ANAPC5: variants seen among roughly 807,000 people sequenced by gnomAD.
ANAPC5 encodes the protein anaphase promoting complex subunit 5, also known as anaphase-promoting complex subunit 5.
In ANAPC5, 60 loss-of-function variants were observed where a neutral mutation model predicts 91.3. That is an observed-to-expected ratio of 0.66 (90% confidence interval 0.53 to 0.81). The LOEUF (loss-of-function observed/expected upper bound fraction) is 0.81, where lower values mean the gene tolerates loss of function less well. ANAPC5 is among the 40% of genes least tolerant of loss of function. The pLI, the probability that ANAPC5 is intolerant of heterozygous loss-of-function variation, is 0.00. For synonymous variants in ANAPC5, 340 were observed against 364.1 expected, an observed-to-expected ratio of 0.93 and a Z score of 0.75; for missense variants, 690 against 931.5, an observed-to-expected ratio of 0.74 and a Z score of 3.37.
chr12:121,352,431 C>T, upstream of ANAPC5: 4 of 1,033,096 alleles, frequency 3.9e-6, no homozygotes, highest in Non-Finnish European at 4.3e-6. Context: ...TCTCCGCCCG[C>T]CCTCACAATA....
rs782510028 is a variant in ANAPC5, at chr12:121,328,366, G to A, written c.1254C>T (p.Ile418=). 9.8e-5 allele frequency: 158 copies of A among 1,613,704 alleles called. 1 individual carries two copies. The Admixed American group carries it at 2.5e-3, about 26-fold the overall frequency. The stretch of plus-strand genomic sequence containing the variant: ...CCGTTTTCTGTGCGATGCTGATATC[G>A]ATGAGCTCTGACAGGCTGTGTTTCC... ...LHWKHSLSEL[I]DISIAQKTAI... is the part of the protein sequence containing the mutation. Residue 418 remains isoleucine, a synonymous_variant, in exon 10 of 17, where the codon ATC becomes ATT. Transcript: ENST00000261819.
In ANAPC5 at chr12:121,345,779, T is replaced by C. The variant is rs1287756856; in HGVS notation, c.590+60A>G. On this transcript the variant is annotated intron_variant, in intron 4 of 16. Coordinates refer to ENST00000261819, the MANE Select transcript of ANAPC5 (RefSeq NM_016237.5). ...TGAATTCTAAATGAACAAGGACTTA[T>C]TGCACTTGAAATTATACTATTTCAC... The C allele has an allele frequency of 8.0e-6, 12 of 1,501,702 alleles. No individual in the cohort carries two copies. The African/African-American group carries it at 1.4e-4, about 17-fold the overall frequency. 93.0% of individuals were successfully genotyped at this position (1,501,702 alleles called of 1,614,324 possible). A position where few individuals can be genotyped will look rare whatever the true frequency, so the allele number is the denominator to read the frequency against.
intron 7 of ANAPC5, chr12:121,332,101 C>T (rs12321214): frequency 0.046 from 6,966 of 152,326 alleles, 234 homozygotes; most frequent in East Asian, 0.19. Flanking sequence ...TCCCAAGTAA[C>T]TGGGACTACA....
chr12:121,341,647 G>A (rs1246023257), intron 5 of ANAPC5, among the ~76,000 whole-genome samples: 2 of 152,100 alleles, frequency 1.3e-5, no homozygotes, highest in African/African-American at 2.4e-5. Context: ...GAGGTAATAG[G>A]TATGGGTAAT....
intron 1 of ANAPC5, among the ~76,000 whole-genome samples, chr12:121,350,317 A>G (rs1264011690): frequency 1.3e-5 from 2 of 152,208 alleles, no homozygotes; most frequent in Non-Finnish European, 2.9e-5. Context: ...AGGGACCCAG[A>G]TCTGTTTCTG....
chr12:121,320,709 T>C (rs1298421960), intron 11 of ANAPC5: 4 of 274,538 alleles, frequency 1.5e-5, no homozygotes, highest in Admixed American at 4.6e-5. Flanking sequence ...TTCACGCCAT[T>C]CTCCTGCCTC....
chr12:121,329,480 AC>A (rs1902950838), intron 9 of ANAPC5, among the ~76,000 whole-genome samples: 1 of 151,704 alleles, frequency 6.6e-6, no homozygotes, highest in East Asian at 2.0e-4. Flanking sequence ...TTAAATTACT[AC>A]CTGTAATTAC....
chr12:121,345,703 A>G, intron 4 of ANAPC5, 136 bp downstream of exon 4: 1 of 883,936 alleles, frequency 1.1e-6, no homozygotes, highest in Non-Finnish European at 1.8e-6. Flanking sequence ...TGCAGCCCTT[A>G]TCAGTTAACT....
chr12:121,330,150 ATTT>A (rs1306391236), intron 9 of ANAPC5, among the ~76,000 whole-genome samples: 1 of 150,178 alleles, frequency 6.7e-6, no homozygotes, highest in Non-Finnish European at 1.5e-5. Context: ...TCTGTTGTTG[ATTT>A]TTTTTTTCTG....
intron 16 of ANAPC5, 143 bp downstream of exon 16, chr12:121,309,558 G>C: frequency 1.0e-6 from 1 of 984,704 alleles, no homozygotes; most frequent in Admixed American, 2.9e-5. Context: ...CACTTTAAAT[G>C]CTGCATGAAA....
chr12:121,344,326 C>A (rs782330075), intron 4 of ANAPC5, among the ~76,000 whole-genome samples: 3 of 152,098 alleles, frequency 2.0e-5, no homozygotes, highest in Non-Finnish European at 2.9e-5. Flanking sequence ...CGCCTGTAAT[C>A]CCAGCACTTT....
chr12:121,330,215 G>A (rs188510287), intron 9 of ANAPC5, among the ~76,000 whole-genome samples: 1 of 152,304 alleles, frequency 6.6e-6, no homozygotes, highest in Admixed American at 6.5e-5. Flanking sequence ...TAAGTAGGCA[G>A]AAAGCCAGAT....
rs1404913602 is a variant in ANAPC5, at chr12:121,352,185, G to A, written c.156C>T (p.Val52=). The change falls in exon 1 of 17, where the codon GTC becomes GTT. Residue 52 remains valine, a synonymous_variant. Transcript: ENST00000261819. Reference sequence around the variant, plus strand: ...TGAGCCTCCGCCGCTCCATGAGGCTGACGGCGCCCTCGCCTGTGCGGCTCA... The same window carrying A: ...TGAGCCTCCGCCGCTCCATGAGGCTAACGGCGCCCTCGCCTGTGCGGCTCA... The part of the protein sequence containing the change: ...NEMSRTGEGA[V]SLMERRRLNQ... The A allele has an allele frequency of 6.2e-7, 1 of 1,613,122 alleles. No individual in the cohort carries two copies. Among genetic ancestry groups the A allele is most frequent in the Non-Finnish European group, 8.5e-7 (1 of 1,179,364 alleles).
rs190420301 is a variant in ANAPC5 at position 121,351,234 on chromosome 12, G to T, written c.207+900C>A. On this transcript the variant is annotated intron_variant, in intron 1 of 16. Coordinates refer to ENST00000261819, the MANE Select transcript of ANAPC5 (RefSeq NM_016237.5). ...AAAAATGCAAAAAAATTAGCTGGGC[G>T]TAGTGACCCGCGCCTGTACTCCCAG... 5.4e-5 allele frequency: 19 copies of T among 354,092 alleles called. No individual in the cohort carries two copies. The East Asian group carries it at 1.7e-3, about 32-fold the overall frequency. 21.9% of individuals were successfully genotyped at this position (354,092 alleles called of 1,614,324 possible). A position where few individuals can be genotyped will look rare whatever the true frequency, so the allele number is the denominator to read the frequency against.
intron 4 of ANAPC5, among the ~76,000 whole-genome samples, chr12:121,345,480 G>A (rs1442575514): frequency 6.6e-6 from 1 of 152,094 alleles, no homozygotes; most frequent in African/African-American, 2.4e-5. Context: ...TTCACCTGGG[G>A]CCTGCAAACA....
Position 121,309,701 on chromosome 12 carries a change from CT to C in ANAPC5, c.2055del (p.Ala686LeufsTer66), listed in dbSNP as rs759528624. 6.2e-7 allele frequency: 1 copy of C among 1,613,326 alleles called. No homozygotes were observed. The highest frequency in any genetic ancestry group is 1.1e-5 in the South Asian group (1 of 90,986). On this transcript the variant is annotated frameshift_variant and splice_region_variant, in exon 16 of 17. Coordinates refer to ENST00000261819, the MANE Select transcript of ANAPC5 (RefSeq NM_016237.5). LOFTEE classifies it high-confidence loss of function. The part of the protein sequence containing the change: ...AASYDQPKKA[E>X]ALEAAIENLN... The stretch of plus-strand genomic sequence containing the variant: ...TAACAGTCTTCGTACAGCTTCCTAC[CT>C]TCTGCTTTCTTCGGCTGATCGTAGG...
chr12:121,346,021 C>T lies in ANAPC5; in HGVS notation c.408G>A (p.Leu136=). The T allele has an allele frequency of 1.2e-6, 2 of 1,602,558 alleles. No homozygotes were observed. The highest frequency in any genetic ancestry group is 1.1e-5 in the South Asian group (1 of 88,802). The change falls in exon 4 of 17, where the codon CTG becomes CTA. Residue 136 remains leucine (L), a synonymous_variant. Transcript: ENST00000261819. ...VHKTSVVGLF[L]RHMILAYSKL... is the part of the protein sequence containing the mutation. The stretch of plus-strand genomic sequence containing the variant: ...TACTGTAGGCCAAGATCATGTGACG[C>T]AGAAACAAACCTACAAAATAAGACG...
chr12:121,345,176 G>A (rs1903614272), intron 4 of ANAPC5, among the ~76,000 whole-genome samples: 1 of 152,166 alleles, frequency 6.6e-6, no homozygotes, highest in Non-Finnish European at 1.5e-5. Flanking sequence ...AGGAATCAAG[G>A]ATACTACTGC....
chr12:121,348,542 G>A (rs189863699), intron 1 of ANAPC5, among the ~76,000 whole-genome samples: 1 of 152,296 alleles, frequency 6.6e-6, no homozygotes, highest in Non-Finnish European at 1.5e-5. Context: ...GCACACACCT[G>A]TAGTCCCAGC....
Sources: allele counts gnomAD v4.1 joint callset (sites outside exome capture counted in the v4.1 genomes callset), GRCh38; gene constraint gnomAD v4.1.1; transcripts MANE v1.5; gene names NCBI Gene and HGNC (gene_info 2026-07-23, HGNC 2026-07-21).